TTC28: variants seen among roughly 807,000 people sequenced by gnomAD.
TTC28 encodes tetratricopeptide repeat protein 28.
Under a neutral mutation model 198.0 loss-of-function variants are expected in TTC28, and 61 were observed. The observed-to-expected ratio is 0.31, with a 90% CI of 0.25 to 0.38. The LOEUF is 0.38. Ranked by LOEUF, TTC28 falls within the 10% of genes least tolerant of loss-of-function variation. The pLI is 1.00. For synonymous variants in TTC28, 1,171 were observed against 1,297.8 expected (o/e 0.90, Z 2.10); for missense variants, 2,678 against 3,164.0 (o/e 0.85, Z 3.69).
intron 2 of TTC28, among the ~76,000 whole-genome samples, chr22:28,441,535 G>C (rs2047621962): frequency 6.6e-6 from 1 of 152,168 alleles, no homozygotes; most frequent in African/African-American, 2.4e-5. Context: ...GGATGAAGTA[G>C]AAAAGACACA....
chr22:28,609,985 G>A (rs562542129), intron 2 of TTC28, among the ~76,000 whole-genome samples: 54 of 152,248 alleles, frequency 3.5e-4, no homozygotes, highest in Non-Finnish European at 4.7e-4. Context: ...GTTCAAACTC[G>A]GTATAGCCCA....
chr22:28,096,229 C>T lies in TTC28; in HGVS notation c.3727G>A (p.Ala1243Thr). The change falls in exon 11 of 23, where the codon GCA becomes ACA. Residue 1243 changes from alanine to threonine, a missense_variant. Transcript: ENST00000397906. ...RGLVLYYSLA[A>T]GYLYSWLLAP... ...AGCAGCCAGCTATACAGATAGCCTGCAGCCAGGGAATAGTAAAGCACTAGT... is the reference window on the plus strand; with the variant it reads ...AGCAGCCAGCTATACAGATAGCCTGTAGCCAGGGAATAGTAAAGCACTAGT... 1.3e-6 allele frequency: 2 copies of T among 1,551,094 alleles called. No individual in the cohort carries two copies. Among genetic ancestry groups the T allele is most frequent in the African/African-American group, 1.4e-5 (1 of 73,152 alleles).
intron 1 of TTC28, among the ~76,000 whole-genome samples, chr22:28,676,347 C>T (rs1376390763): frequency 2.0e-5 from 3 of 152,086 alleles, no homozygotes; most frequent in African/African-American, 7.2e-5. Context: ...TTGCCAGGGA[C>T]TAGGGGAAAA....
intron 2 of TTC28, among the ~76,000 whole-genome samples, chr22:28,387,231 T>C (rs2146046380): frequency 6.6e-6 from 1 of 152,362 alleles, no homozygotes; most frequent in South Asian, 2.1e-4. Context: ...ATTTTCTTAA[T>C]CCAGTCTATC....
At chr22:28,280,333 A>AT (rs201357614) in intron 5 of TTC28, among the ~76,000 whole-genome samples, 12,581 of 150,398 alleles carry the variant, frequency 0.084, 610 homozygotes, top group Non-Finnish European at 0.098. Flanking sequence ...AAAAAAAAAA[A>AT]TTTTTTTTTT....
chr22:28,678,895 G>C (rs1041290284), intron 1 of TTC28, among the ~76,000 whole-genome samples: 24 of 152,192 alleles, frequency 1.6e-4, no homozygotes, highest in African/African-American at 5.8e-4. Flanking sequence ...GTTCAAAATC[G>C]GCTTCCCTGC....
intron 2 of TTC28, among the ~76,000 whole-genome samples, chr22:28,602,155 C>T (rs148749775): frequency 3.1e-3 from 471 of 152,186 alleles, no homozygotes; most frequent in Non-Finnish European, 5.0e-3. Flanking sequence ...TTACAGTGGT[C>T]AAAGGTCAAG....
At chr22:28,484,746 A>C (rs1174251990) in intron 2 of TTC28, among the ~76,000 whole-genome samples, 1 of 152,190 alleles carries the variant, frequency 6.6e-6, no homozygotes, top group Non-Finnish European at 1.5e-5. Flanking sequence ...ACACAGACTT[A>C]AAAGAGGAAT....
chr22:28,096,369 C>T lies in TTC28; in HGVS notation c.3587G>A (p.Arg1196Gln), dbSNP rs1183957255. The change falls in exon 11 of 23, where the codon CGG (arginine) becomes CAG (glutamine). Residue 1196 changes from arginine to glutamine, a missense_variant. Coordinates refer to ENST00000397906, the MANE Select transcript of TTC28 (RefSeq NM_001145418.2). ...DEALAVAERG[R>Q]TRAFADLLVE... ...CAGAAGATCAGCAAATGCCCTTGTC[C>T]GTCCCCTTTCTGCCACAGCCAGGGC... is the stretch of plus-strand genomic sequence containing the variant. 1.3e-6 allele frequency: 2 copies of T among 1,551,820 alleles called. No individual in the cohort carries two copies. Among genetic ancestry groups the T allele is most frequent in the Admixed American group, 2.0e-5 (1 of 51,008 alleles).
intron 2 of TTC28, among the ~76,000 whole-genome samples, chr22:28,578,799 C>T (rs1196911316): frequency 6.6e-6 from 1 of 152,058 alleles, no homozygotes; most frequent in Admixed American, 6.6e-5. Flanking sequence ...TACCCTGTTA[C>T]ATTGGAAAGC....
chr22:28,501,897 T>C (rs2048542972), intron 2 of TTC28, among the ~76,000 whole-genome samples: 2 of 152,198 alleles, frequency 1.3e-5, no homozygotes, highest in East Asian at 3.9e-4. Flanking sequence ...ATACCTATTC[T>C]CTTTTGATGC....
intron 13 of TTC28, among the ~76,000 whole-genome samples, chr22:28,023,983 A>G (rs1218029024): frequency 6.6e-6 from 1 of 152,148 alleles, no homozygotes; most frequent in Non-Finnish European, 1.5e-5. Context: ...GCAGACGCGC[A>G]CTGCTGTCAT....
intron 2 of TTC28, among the ~76,000 whole-genome samples, chr22:28,468,308 G>A (rs958404599): frequency 2.0e-5 from 3 of 152,218 alleles, no homozygotes; most frequent in African/African-American, 7.2e-5. Context: ...GCAACTAGAA[G>A]AGGCCCAGGT....
intron 2 of TTC28, among the ~76,000 whole-genome samples, chr22:28,407,403 T>C (rs17503350): frequency 0.18 from 26,981 of 152,066 alleles, 2,845 homozygotes; most frequent in Non-Finnish European, 0.23. Flanking sequence ...TTGTCCAGTA[T>C]GCCCAGGTTC....
intron 5 of TTC28, among the ~76,000 whole-genome samples, chr22:28,258,346 T>A (rs1268436255): frequency 1.3e-5 from 2 of 152,154 alleles, no homozygotes; most frequent in Non-Finnish European, 2.9e-5. Flanking sequence ...CAAAGAAATA[T>A]TAAAACTGAC....
chr22:28,166,808 G>C (rs183444108), intron 5 of TTC28, among the ~76,000 whole-genome samples: 2 of 152,204 alleles, frequency 1.3e-5, no homozygotes, highest in East Asian at 3.9e-4. Flanking sequence ...CAGAAGGCAA[G>C]AAATAACTAA....
intron 2 of TTC28, among the ~76,000 whole-genome samples, chr22:28,567,500 A>ATATATATATAT (rs1376637626): frequency 1.5e-5 from 2 of 130,696 alleles, no homozygotes; most frequent in Non-Finnish European, 3.3e-5. Context: ...ATATATATAT[A>ATATATATATAT]TATATATATG....
chr22:28,258,580 G>A (rs1931113548), intron 5 of TTC28, among the ~76,000 whole-genome samples: 1 of 151,914 alleles, frequency 6.6e-6, no homozygotes, highest in Non-Finnish European at 1.5e-5. Flanking sequence ...TCTAAAACCG[G>A]CAAGTTATCT....
chr22:28,627,695 G>A (rs1225157204), intron 2 of TTC28, among the ~76,000 whole-genome samples: 1 of 151,816 alleles, frequency 6.6e-6, no homozygotes, highest in South Asian at 2.1e-4. Context: ...GCCTCCCAAA[G>A]TGCTGGGATT....
Sources: allele counts gnomAD v4.1 joint callset (sites outside exome capture counted in the v4.1 genomes callset), GRCh38; gene constraint gnomAD v4.1.1; transcripts MANE v1.5; gene names NCBI Gene and HGNC (gene_info 2026-07-23, HGNC 2026-07-21).